MAPK10: variants seen among roughly 807,000 people sequenced by gnomAD.
MAPK10 encodes the protein mitogen-activated protein kinase 10.
In MAPK10, 25 loss-of-function variants were observed where a neutral mutation model predicts 59.3. The observed-to-expected ratio is 0.42, with a 90% confidence interval of 0.31 to 0.59. MAPK10 has a LOEUF of 0.59. Ranked by LOEUF, MAPK10 falls within the 20% of genes least tolerant of loss-of-function variation. The pLI is 0.15. For missense variants in MAPK10, 351 were observed against 568.9 expected (o/e 0.62, Z 3.90); for synonymous variants, 190 against 200.5 (o/e 0.95, Z 0.44).
intron 4 of MAPK10, among the ~76,000 whole-genome samples, chr4:86,109,388 C>T (rs2057077463): frequency 6.6e-6 from 1 of 152,150 alleles, no homozygotes; most frequent in African/African-American, 2.4e-5. Flanking sequence ...CCCTCCTCTG[C>T]TTCCTGGCCC....
At chr4:86,386,520 A>G (rs529172978) in intron 1 of MAPK10, among the ~76,000 whole-genome samples, 2 of 152,200 alleles carry the variant, frequency 1.3e-5, no homozygotes, top group South Asian at 2.1e-4. Flanking sequence ...TCATGAATCT[A>G]TGACTCTAAT....
chr4:86,276,862 T>C (rs1348227490), intron 2 of MAPK10, among the ~76,000 whole-genome samples: 1 of 152,198 alleles, frequency 6.6e-6, no homozygotes, highest in African/African-American at 2.4e-5. Flanking sequence ...ATCACAATGC[T>C]AGTTAAGTTG....
chr4:86,397,503 G>T (rs769610937), intron 1 of MAPK10, among the ~76,000 whole-genome samples: 16 of 152,104 alleles, frequency 1.1e-4, no homozygotes, highest in Non-Finnish European at 2.2e-4. Flanking sequence ...CCATTTTAAA[G>T]ATTTCCAAAC....
At chr4:86,135,017 C>T (rs1007549752) in intron 4 of MAPK10, among the ~76,000 whole-genome samples, 8 of 152,214 alleles carry the variant, frequency 5.3e-5, no homozygotes, top group South Asian at 2.1e-4. Context: ...ATATCCCGCA[C>T]GTGGCTCGGA....
chr4:86,099,563 C>G (rs999456346), intron 8 of MAPK10: 1 of 152,062 alleles, frequency 6.6e-6, no homozygotes, highest in Non-Finnish European at 1.5e-5. Context: ...TAACCTTCCT[C>G]CCATTGGTGG....
Position 86,139,662 on chromosome 4 carries a change from CAA to C in MAPK10, c.236+19634_236+19635del, listed in dbSNP as rs1258516455. On this transcript the variant is annotated intron_variant, in intron 4 of 13. Coordinates refer to ENST00000641462, the MANE Select transcript of MAPK10 (RefSeq NM_138982.4). ...TCTAAAACATCAAAAGCAATGGCAA[CAA>C]AAGACAAAATTGACAAATGGGATCT... Among the ~76,000 whole-genome samples, 10 of 152,246 alleles carry C rather than the reference CAA, an allele frequency of 6.6e-5. No individual in the cohort carries two copies. The East Asian group carries it at 1.7e-3, about 26-fold the overall frequency.
Position 86,282,244 on chromosome 4 carries a change from C to A in MAPK10, c.-7+72286G>T, listed in dbSNP as rs189254021. Among the ~76,000 whole-genome samples the A allele has an allele frequency of 4.6e-5, 7 of 152,254 alleles. No individual in the cohort carries two copies. The East Asian group carries it at 1.4e-3, about 29-fold the overall frequency. ...ATAGTGAATCATTTGAATGCACAAGCAGAAATCTCCACAATGTTTTGTGAA... is the reference window on the plus strand; with the variant it reads ...ATAGTGAATCATTTGAATGCACAAGAAGAAATCTCCACAATGTTTTGTGAA... On this transcript the variant is annotated intron_variant, in intron 2 of 13. Transcript: ENST00000641462.
At chr4:86,578,717 C>A (rs1293578187) in intron 1 of MAPK10, among the ~76,000 whole-genome samples, 1 of 152,050 alleles carries the variant, frequency 6.6e-6, no homozygotes, top group Non-Finnish European at 1.5e-5. Flanking sequence ...TAAGAGTTTT[C>A]TAGCAGCAAA....
chr4:86,180,885 G>C (rs1239424249), intron 3 of MAPK10, among the ~76,000 whole-genome samples: 2 of 151,924 alleles, frequency 1.3e-5, no homozygotes, highest in African/African-American at 4.8e-5. Context: ...ATTGTTAAAG[G>C]GTATAAAATT....
chr4:86,390,794 C>A (rs1742088699), intron 1 of MAPK10, among the ~76,000 whole-genome samples: 1 of 152,170 alleles, frequency 6.6e-6, no homozygotes, highest in South Asian at 2.1e-4. Context: ...TGGAGTGGAT[C>A]ATGAATGCTA....
chr4:86,023,449 G>A (rs1390742741), intron 13 of MAPK10, among the ~76,000 whole-genome samples: 1 of 152,080 alleles, frequency 6.6e-6, no homozygotes, highest in African/African-American at 2.4e-5. Flanking sequence ...TTAAGATGGG[G>A]CTTGTCAATT....
chr4:86,062,155 C>T (rs1055956454), intron 11 of MAPK10, among the ~76,000 whole-genome samples: 1 of 152,124 alleles, frequency 6.6e-6, no homozygotes, highest in Non-Finnish European at 1.5e-5. Context: ...TTCACTACAA[C>T]ATGTCTAGAT....
At chr4:86,396,616 C>T (rs1373293572) in intron 1 of MAPK10, among the ~76,000 whole-genome samples, 1 of 152,196 alleles carries the variant, frequency 6.6e-6, no homozygotes, top group African/African-American at 2.4e-5. Context: ...AATTGGCTCA[C>T]AGTTCTGCAG....
intron 9 of MAPK10, among the ~76,000 whole-genome samples, chr4:86,087,790 A>G (rs2052220256): frequency 6.6e-6 from 1 of 151,974 alleles, no homozygotes; most frequent in African/African-American, 2.4e-5. Context: ...ATGAAGCCAT[A>G]TATATATATT....
chr4:86,335,580 A>C (rs1404551468), intron 2 of MAPK10, among the ~76,000 whole-genome samples: 3 of 148,838 alleles, frequency 2.0e-5, no homozygotes, highest in Non-Finnish European at 1.5e-5. Flanking sequence ...CTTTCTCCCC[A>C]TGCCCTGCCA....
chr4:86,320,733 T>G (rs566727392), intron 2 of MAPK10, among the ~76,000 whole-genome samples: 1 of 152,236 alleles, frequency 6.6e-6, no homozygotes, highest in Non-Finnish European at 1.5e-5. Context: ...GCCTTGCACA[T>G]GCCTATGTCC....
chr4:86,542,860 G>C (rs116060894), intron 1 of MAPK10, among the ~76,000 whole-genome samples: 2,559 of 152,218 alleles, frequency 0.017, 35 homozygotes, highest in Middle Eastern at 0.034. Context: ...TGTCTGAAGG[G>C]ACACTTCACA....
At chr4:86,186,083 C>T (rs749189526) in intron 3 of MAPK10, among the ~76,000 whole-genome samples, 5 of 152,068 alleles carry the variant, frequency 3.3e-5, no homozygotes, top group African/African-American at 7.2e-5. Flanking sequence ...ATTTAATCAT[C>T]TATTTAACAA....
intron 1 of MAPK10, among the ~76,000 whole-genome samples, chr4:86,541,018 C>T (rs77320816): frequency 2.6e-5 from 4 of 152,122 alleles, no homozygotes; most frequent in Admixed American, 6.5e-5. Context: ...CCACTGATAA[C>T]GCAGGGTGGC....
Sources: gnomAD v4.1 joint callset for allele counts (sites outside exome capture counted in the v4.1 genomes callset) on GRCh38, gnomAD v4.1.1 for gene constraint, MANE v1.5 for transcripts, NCBI Gene and HGNC (gene_info 2026-07-23, HGNC 2026-07-21) for gene names.